The following PRKCE variants were observed in gnomAD, a reference collection of about 807,000 sequenced individuals.
PRKCE encodes the protein protein kinase C epsilon.
In PRKCE, 16 loss-of-function variants were observed where a neutral mutation model predicts 85.4. That is an observed-to-expected ratio of 0.19 (90% CI 0.13 to 0.28). The LOEUF is 0.28. Among genes scored for constraint, PRKCE ranks in the 10% least tolerant of loss-of-function variants. The pLI is 1.00. For synonymous variants in PRKCE, 388 were observed against 371.5 expected, an observed-to-expected ratio of 1.04 and a Z score of -0.51; for missense variants, 573 against 975.2, an observed-to-expected ratio of 0.59 and a Z score of 5.49.
chr2:45,822,787 C>G (rs913407854), intron 1 of PRKCE, among the ~76,000 whole-genome samples: 2 of 152,160 alleles, frequency 1.3e-5, no homozygotes. Context: ...GTTAGGAGTG[C>G]TTGCTTTTTA....
intron 14 of PRKCE, among the ~76,000 whole-genome samples, chr2:46,183,960 C>G (rs529416539): frequency 6.6e-6 from 1 of 152,244 alleles, no homozygotes; most frequent in South Asian, 2.1e-4. Flanking sequence ...CACCCCACCC[C>G]CCAAGAACCA....
intron 13 of PRKCE, among the ~76,000 whole-genome samples, chr2:46,152,098 C>G (rs946858683): frequency 6.6e-6 from 1 of 152,198 alleles, no homozygotes; most frequent in Non-Finnish European, 1.5e-5. Context: ...TTGCCATCTT[C>G]AAGTGTCTTC....
intron 10 of PRKCE, among the ~76,000 whole-genome samples, chr2:46,019,745 T>TA (rs1213228139): frequency 6.6e-6 from 1 of 152,042 alleles, no homozygotes; most frequent in Non-Finnish European, 1.5e-5. Context: ...GGACTTCCTG[T>TA]ACACTGTTTG....
At chr2:46,147,878 T>G (rs990598088) in intron 12 of PRKCE, among the ~76,000 whole-genome samples, 18 of 152,186 alleles carry the variant, frequency 1.2e-4, no homozygotes, top group Non-Finnish European at 2.4e-4. Flanking sequence ...CTTGATGAAG[T>G]CACAAAATGT....
chr2:45,872,305 G>A (rs1302153044), intron 2 of PRKCE, among the ~76,000 whole-genome samples: 3 of 152,168 alleles, frequency 2.0e-5, no homozygotes, highest in Non-Finnish European at 4.4e-5. Flanking sequence ...TGCAAGCAAA[G>A]AAGTAGCCTG....
chr2:45,663,782 C>CAA (rs552804514), intron 1 of PRKCE, among the ~76,000 whole-genome samples: 1 of 135,118 alleles, frequency 7.4e-6, no homozygotes, highest in East Asian at 2.1e-4. Flanking sequence ...GACTCCGTCT[C>CAA]AAAAAAAAAA....
At chr2:45,744,270 T>C (rs941518008) in intron 1 of PRKCE, among the ~76,000 whole-genome samples, 11 of 152,160 alleles carry the variant, frequency 7.2e-5, no homozygotes, top group African/African-American at 2.7e-4. Context: ...TTATTAGGAC[T>C]ATCAAGTAGA....
chr2:46,103,159 C>G lies in PRKCE; in HGVS notation c.1592+16797C>G, dbSNP rs115919566. On this transcript the variant is annotated intron_variant, in intron 11 of 14. Coordinates refer to ENST00000306156, the MANE Select transcript of PRKCE (RefSeq NM_005400.3). ...TTATATTTTGGGTTATAATTCAATA[C>G]TACTTTATTTTGTTGCTCGAATTAT... Among the ~76,000 whole-genome samples the G allele has an allele frequency of 5.6e-3, 847 of 152,272 alleles. 10 individuals are homozygous for G. Among genetic ancestry groups the G allele is most frequent in the African/African-American group, 0.019 (803 of 41,548 alleles).
In PRKCE at chr2:46,095,811, C is replaced by T. The variant is rs188116852; in HGVS notation, c.1592+9449C>T. On this transcript the variant is annotated intron_variant, in intron 11 of 14. Transcript: ENST00000306156. ...AATAGTGGTGAATATTCAATATCTACAGTCTTTATCCAGAAATGAACAAGA... is the reference window on the plus strand; with the variant it reads ...AATAGTGGTGAATATTCAATATCTATAGTCTTTATCCAGAAATGAACAAGA... 3.9e-5 allele frequency among the ~76,000 whole-genome samples: 6 copies of T among 152,332 alleles called. No individual in the cohort carries two copies. The East Asian group carries it at 5.8e-4, about 15-fold the overall frequency.
chr2:45,802,518 G>A (rs1047310796), intron 1 of PRKCE, among the ~76,000 whole-genome samples: 1 of 152,062 alleles, frequency 6.6e-6, no homozygotes, highest in Non-Finnish European at 1.5e-5. Flanking sequence ...CTATTATAAA[G>A]CCTTTCACAG....
At chr2:46,028,273 C>G (rs1193990436) in intron 10 of PRKCE, among the ~76,000 whole-genome samples, 1 of 152,172 alleles carries the variant, frequency 6.6e-6, no homozygotes, top group African/African-American at 2.4e-5. Context: ...GTAACCTAGC[C>G]CAGCCTCACT....
chr2:46,027,479 AG>A (rs1169242825), intron 10 of PRKCE, among the ~76,000 whole-genome samples: 1 of 152,242 alleles, frequency 6.6e-6, no homozygotes, highest in Non-Finnish European at 1.5e-5. Flanking sequence ...CTATCTGTCA[AG>A]GTGGGTCACA....
intron 13 of PRKCE, 85 bp downstream of exon 13, chr2:46,151,314 CA>C: frequency 8.5e-7 from 1 of 1,173,652 alleles, no homozygotes; most frequent in East Asian, 2.4e-5. Context: ...CACACACACA[CA>C]CACACACACT....
At chr2:45,665,426 T>A (rs1675865185) in intron 1 of PRKCE, among the ~76,000 whole-genome samples, 1 of 152,216 alleles carries the variant, frequency 6.6e-6, no homozygotes, top group Non-Finnish European at 1.5e-5. Flanking sequence ...GTTGAGTTGC[T>A]GTGAGGATTA....
At chr2:45,944,655 ATTTTTTT>A (rs71394861) in intron 2 of PRKCE, among the ~76,000 whole-genome samples, 30 of 75,626 alleles carry the variant, frequency 4.0e-4, no homozygotes, top group African/African-American at 1.1e-3. Context: ...TACCCGGCTA[ATTTTTTT>A]TTTTTTTTTT....
chr2:45,754,458 C>T (rs1322606811), intron 1 of PRKCE, among the ~76,000 whole-genome samples: 2 of 152,116 alleles, frequency 1.3e-5, no homozygotes, highest in African/African-American at 2.4e-5. Context: ...TTTATTTATT[C>T]TCCGTGGGGT....
In PRKCE at chr2:46,102,724, G is replaced by T. The variant is rs78097475; in HGVS notation, c.1592+16362G>T. On this transcript the variant is annotated intron_variant, in intron 11 of 14. Coordinates refer to ENST00000306156, the MANE Select transcript of PRKCE (RefSeq NM_005400.3). ...TGGTCAGTTATTTTGTAGAATATCT[G>T]CCAGCTGGGATTTGTCTGATGTTTT... Among the ~76,000 whole-genome samples, 905 of 152,230 alleles carry T rather than the reference G, an allele frequency of 5.9e-3. 10 individuals carry two copies. Among genetic ancestry groups the T allele is most frequent in the African/African-American group, 0.021 (859 of 41,540 alleles).
chr2:45,978,757 C>T (rs749296452), intron 3 of PRKCE: 1 of 531,932 alleles, frequency 1.9e-6, no homozygotes, highest in African/African-American at 1.9e-5. Flanking sequence ...CTGATGCTGA[C>T]CAAACCTTGC....
chr2:45,869,736 C>A (rs534434621), intron 2 of PRKCE, among the ~76,000 whole-genome samples: 154 of 108,502 alleles, frequency 1.4e-3, no homozygotes, highest in African/African-American at 5.3e-3. Flanking sequence ...GAGTTGGTGT[C>A]TCACTCTGTC....
Sources: gnomAD v4.1 joint callset for allele counts (sites outside exome capture counted in the v4.1 genomes callset) on GRCh38, gnomAD v4.1.1 for gene constraint, MANE v1.5 for transcripts, NCBI Gene and HGNC (gene_info 2026-07-23, HGNC 2026-07-21) for gene names.